The following CACNA1C variants were observed in gnomAD, a reference collection of about 807,000 sequenced individuals.
CACNA1C encodes the protein calcium voltage-gated channel subunit alpha1 C.
A neutral mutation model predicts 229.0 loss-of-function variants in CACNA1C; 30 were observed. The observed-to-expected ratio is 0.13, with a 90% confidence interval of 0.10 to 0.18. The LOEUF (loss-of-function observed/expected upper bound fraction) is 0.18, where lower values mean the gene tolerates loss of function less well. Among genes scored for constraint, CACNA1C ranks in the 10% least tolerant of loss-of-function variants. The probability of loss-of-function intolerance (pLI) is 1.00; values close to 1 mark genes in which losing one functional copy is unlikely to be tolerated. For synonymous variants in CACNA1C, 1,114 were observed against 1,132.5 expected (o/e 0.98, Z 0.33); for missense variants, 1,658 against 2,845.0 (o/e 0.58, Z 9.49).
At chr12:2,520,924 C>T (rs1162862898) in intron 9 of CACNA1C, among the ~76,000 whole-genome samples, 3 of 152,254 alleles carry the variant, frequency 2.0e-5, no homozygotes, top group Non-Finnish European at 4.4e-5. Flanking sequence ...TGACAGGAGA[C>T]ATTCATAGCT....
intron 11 of CACNA1C, among the ~76,000 whole-genome samples, chr12:2,561,018 G>A (rs1371567523): frequency 1.3e-5 from 2 of 152,118 alleles, no homozygotes; most frequent in Non-Finnish European, 2.9e-5. Context: ...CTCAGCCCTG[G>A]TTCACAAGAG....
At chr12:2,440,585 C>A (rs1281268012) in intron 3 of CACNA1C, among the ~76,000 whole-genome samples, 1 of 152,198 alleles carries the variant, frequency 6.6e-6, no homozygotes, top group African/African-American at 2.4e-5. Flanking sequence ...CTGCCCACCC[C>A]TCCAGCCATA....
At chr12:2,466,880 C>T (rs960126035) in intron 5 of CACNA1C, among the ~76,000 whole-genome samples, 2 of 152,150 alleles carry the variant, frequency 1.3e-5, no homozygotes, top group Non-Finnish European at 1.5e-5. Flanking sequence ...CCTTCAGCCT[C>T]TCCACCCCTG....
At chr12:2,337,713 C>T (rs1479308863) in intron 3 of CACNA1C, among the ~76,000 whole-genome samples, 1 of 152,152 alleles carries the variant, frequency 6.6e-6, no homozygotes, top group African/African-American at 2.4e-5. Flanking sequence ...CTTTGAGATG[C>T]GAGGGCAGAG....
intron 5 of CACNA1C, among the ~76,000 whole-genome samples, chr12:2,478,677 A>C (rs555751457): frequency 6.6e-6 from 1 of 152,222 alleles, no homozygotes; most frequent in African/African-American, 2.4e-5. Flanking sequence ...GTAAACGATC[A>C]TCCTCTCTTT....
Position 2,053,521 on chromosome 12 carries a change from C to T in CACNA1C, c.-42C>T. ...GCCGGGGGGTGTTTTCACATTTCTTCCTCTTCGTGGCTGCTCCTCCTATTA... is the reference window on the plus strand; with the variant it reads ...GCCGGGGGGTGTTTTCACATTTCTTTCTCTTCGTGGCTGCTCCTCCTATTA... On this transcript the variant is annotated 5_prime_UTR_variant, in exon 1 of 47. Coordinates refer to ENST00000399655, the MANE Select transcript of CACNA1C (RefSeq NM_000719.7). The surrounding 1 kb of genome is among the most constrained non-coding windows in gnomAD (Gnocchi z 5.8). 3 of 1,561,692 alleles carry T rather than the reference C, an allele frequency of 1.9e-6. No homozygotes were observed. The highest frequency in any genetic ancestry group is 1.4e-5 in the African/African-American group (1 of 73,714).
chr12:2,480,685 C>G (rs117400939), intron 5 of CACNA1C, among the ~76,000 whole-genome samples: 1 of 152,192 alleles, frequency 6.6e-6, no homozygotes, highest in Non-Finnish European at 1.5e-5. Flanking sequence ...ACCCACCAAC[C>G]CCCTAAACCC....
chr12:2,021,469 A>G (rs1425426176), intron 1 of CACNA1C, among the ~76,000 whole-genome samples: 1 of 152,152 alleles, frequency 6.6e-6, no homozygotes, highest in East Asian at 1.9e-4. Context: ...ACCTGAGGTC[A>G]GGAGTTTGAG....
chr12:2,196,189 T>C (rs2097397639), intron 3 of CACNA1C, among the ~76,000 whole-genome samples: 1 of 152,218 alleles, frequency 6.6e-6, no homozygotes, highest in Non-Finnish European at 1.5e-5. Context: ...TAGGGCAGTG[T>C]ACCTGGGGCA....
Position 2,582,958 on chromosome 12 carries a change from GC to G in CACNA1C, c.2224+22del, listed in dbSNP as rs2153225497. The G allele has an allele frequency of 1.9e-6, 3 of 1,542,980 alleles. No individual in the cohort carries two copies. The highest frequency in any genetic ancestry group is 1.8e-6 in the Non-Finnish European group (2 of 1,140,268). On this transcript the variant is annotated intron_variant, in intron 15 of 46. Transcript: ENST00000399655. ...TGTGGAAACTGTATCCTTTGCTGCT[GC>G]CCCCCACCCCTGCGGCCCCCAGCCC... is the stretch of plus-strand genomic sequence containing the variant.
In CACNA1C at chr12:2,688,665, T is replaced by G; in HGVS notation, c.6003T>G (p.Gly2001=). 1 of 1,613,516 alleles carries G rather than the reference T, an allele frequency of 6.2e-7. No homozygotes were observed. Among genetic ancestry groups the G allele is most frequent in the Non-Finnish European group, 8.5e-7 (1 of 1,179,782 alleles). The change falls in exon 46 of 47, where the codon GGT becomes GGG. Residue 2001 remains glycine, a synonymous_variant. Coordinates refer to ENST00000399655, the MANE Select transcript of CACNA1C (RefSeq NM_000719.7). ...GCTCCTGGGCTGAGACCACCCCCGG[T>G]GGCGGGGGCAGCAGCGCCGCCCGGA... ...HCGSWAETTP[G]GGGSSAARRV... is the part of the protein sequence containing the mutation.
rs114838160 is a variant in CACNA1C, at chr12:2,247,595, G to T, written c.477+127165G>T. On this transcript the variant is annotated intron_variant, in intron 3 of 46. Coordinates refer to ENST00000399655, the MANE Select transcript of CACNA1C (RefSeq NM_000719.7). Reference sequence around the variant, plus strand: ...TTCAGGCTTCCTGACCTTCCTGGTGGGCAGCCACGGCGAAATCTAGACTTC... The same window carrying T: ...TTCAGGCTTCCTGACCTTCCTGGTGTGCAGCCACGGCGAAATCTAGACTTC... Among the ~76,000 whole-genome samples, 292 of 152,254 alleles carry T rather than the reference G, an allele frequency of 1.9e-3. 2 individuals carry two copies. The highest frequency in any genetic ancestry group is 6.8e-3 in the African/African-American group (284 of 41,546).
chr12:2,565,392 G>A (rs372735819), intron 11 of CACNA1C, among the ~76,000 whole-genome samples: 150 of 150,892 alleles, frequency 9.9e-4, no homozygotes, highest in African/African-American at 3.0e-3. Context: ...GCGTGAACCC[G>A]GGAAGCGGAG....
chr12:2,429,810 A>G (rs1387773745), intron 3 of CACNA1C, among the ~76,000 whole-genome samples: 1 of 152,180 alleles, frequency 6.6e-6, no homozygotes, highest in Non-Finnish European at 1.5e-5. Context: ...AGCTCCACCC[A>G]TCTTAGGTGA....
At chr12:2,304,963 T>G (rs1249296549) in intron 3 of CACNA1C, among the ~76,000 whole-genome samples, 1 of 152,176 alleles carries the variant, frequency 6.6e-6, no homozygotes, top group Non-Finnish European at 1.5e-5. Context: ...TCTTCCCTAG[T>G]TGAACACTTC....
chr12:2,552,734 G>A (rs1418658817), intron 10 of CACNA1C, among the ~76,000 whole-genome samples: 1 of 152,180 alleles, frequency 6.6e-6, no homozygotes, highest in Non-Finnish European at 1.5e-5. Context: ...ACCCCTCAGG[G>A]TTGCAGGGCA....
At chr12:2,078,847 C>T (rs1232856383) in intron 1 of CACNA1C, among the ~76,000 whole-genome samples, 29 of 151,884 alleles carry the variant, frequency 1.9e-4, no homozygotes, top group Admixed American at 1.9e-3. Flanking sequence ...TATTGCGGCA[C>T]TATTCACAAT....
chr12:2,446,868 G>GTGGA (rs1267800438), intron 3 of CACNA1C, among the ~76,000 whole-genome samples: 1 of 151,606 alleles, frequency 6.6e-6, no homozygotes, highest in African/African-American at 2.4e-5. Flanking sequence ...TGGTGGGTGG[G>GTGGA]TGGATGGATG....
At chr12:2,257,491 C>A (rs2154398097) in intron 3 of CACNA1C, among the ~76,000 whole-genome samples, 1 of 152,360 alleles carries the variant, frequency 6.6e-6, no homozygotes, top group South Asian at 2.1e-4. Flanking sequence ...AGATCCCCAG[C>A]ATGCACAGTT....
Sources: allele counts gnomAD v4.1 joint callset (sites outside exome capture counted in the v4.1 genomes callset), GRCh38; gene constraint gnomAD v4.1.1; non-coding constraint Gnocchi (gnomAD v3.1); transcripts MANE v1.5; gene names NCBI Gene and HGNC (gene_info 2026-07-23, HGNC 2026-07-21).